VPS35L: variants seen among roughly 807,000 people sequenced by gnomAD.
The protein encoded by VPS35L is VPS35 endosomal protein-sorting factor-like.
VPS35L carries 83 observed loss-of-function variants against 133.0 expected under a neutral mutation model. The ratio of observed to expected loss-of-function variants is 0.62; its 90% CI spans 0.52 to 0.75. The LOEUF is 0.75. VPS35L is among the 30% of genes least tolerant of loss of function. The pLI, the probability that VPS35L is intolerant of heterozygous loss-of-function variation, is 0.00. For missense variants in VPS35L, 1,083 were observed against 1,206.8 expected (o/e 0.90, Z 1.52); for synonymous variants, 423 against 449.9 (o/e 0.94, Z 0.76).
intron 26 of VPS35L, among the ~76,000 whole-genome samples, chr16:19,653,919 A>G (rs1031862227): frequency 1.3e-5 from 2 of 152,182 alleles, no homozygotes; most frequent in Non-Finnish European, 2.9e-5. Flanking sequence ...GGGGGACTTC[A>G]GTAGCTTCTG....
intron 19 of VPS35L, among the ~76,000 whole-genome samples, chr16:19,636,911 T>C (rs1476684825): frequency 6.6e-6 from 1 of 152,066 alleles, no homozygotes; most frequent in Non-Finnish European, 1.5e-5. Context: ...CCACCATCCT[T>C]GGGTAATACC....
At chr16:19,564,171 T>G (rs1352400025) in intron 1 of VPS35L, among the ~76,000 whole-genome samples, 1 of 151,754 alleles carries the variant, frequency 6.6e-6, no homozygotes, top group Non-Finnish European at 1.5e-5. Flanking sequence ...CTCCGCCTCC[T>G]GGTTGAAGCG....
intron 10 of VPS35L, 115 bp downstream of exon 10, chr16:19,608,389 C>T (rs777381370): frequency 6.2e-5 from 50 of 807,836 alleles, no homozygotes; most frequent in Non-Finnish European, 8.6e-5. Context: ...AGTTTGGTCC[C>T]GTTACGGTTG....
intron 8 of VPS35L, among the ~76,000 whole-genome samples, chr16:19,596,892 G>A (rs754986275): frequency 1.3e-5 from 2 of 151,942 alleles, no homozygotes; most frequent in Non-Finnish European, 2.9e-5. Context: ...GGTGGTACGC[G>A]CCTGTAATCC....
chr16:19,622,580 G>A (rs1260825918), intron 14 of VPS35L, among the ~76,000 whole-genome samples: 2 of 152,120 alleles, frequency 1.3e-5, no homozygotes, highest in African/African-American at 4.8e-5. Flanking sequence ...AAAAATCCGT[G>A]TCTAAGTGGA....
chr16:19,609,300 T>C (rs1027050228), intron 11 of VPS35L, among the ~76,000 whole-genome samples: 24 of 152,222 alleles, frequency 1.6e-4, no homozygotes, highest in African/African-American at 5.8e-4. Context: ...TTGGCTGTAC[T>C]GGTACTAGCT....
intron 6 of VPS35L, among the ~76,000 whole-genome samples, chr16:19,580,796 G>A (rs1206750640): frequency 6.6e-6 from 1 of 152,048 alleles, no homozygotes; most frequent in Non-Finnish European, 1.5e-5. Context: ...CCCCATCACA[G>A]TTTACAGTCC....
At chr16:19,590,016 G>A (rs994771815) in intron 7 of VPS35L, among the ~76,000 whole-genome samples, 1 of 152,030 alleles carries the variant, frequency 6.6e-6, no homozygotes, top group Admixed American at 6.6e-5. Context: ...TGTTTAAGTT[G>A]GAACTCTCAC....
Position 19,633,429 on chromosome 16 carries a change from C to G in VPS35L, c.1635+257C>G, listed in dbSNP as rs964399223. On this transcript the variant is annotated intron_variant, in intron 19 of 30. Coordinates refer to ENST00000417362, the MANE Select transcript of VPS35L (RefSeq NM_020314.7). The surrounding 1 kb of genome is among the most constrained non-coding windows in gnomAD (Gnocchi z 4.1). ...ATGAAGTGAAGCCCTCACACAGTGG[C>G]CTGGCACGTGGTAAATGCTCAATAA... 1.3e-5 allele frequency among the ~76,000 whole-genome samples: 2 copies of G among 152,178 alleles called. No homozygotes were observed. The highest frequency in any genetic ancestry group is 4.8e-5 in the African/African-American group (2 of 41,448).
chr16:19,699,473 AAGGC>A lies in VPS35L; in HGVS notation c.2647-26_2647-23del. ...CGGGGCACGGCCTGAGCCCCAGTGC[AAGGC>A]AGTAACCTCCCTTTTCTGTTTCAGG... On this transcript the variant is annotated intron_variant, in intron 29 of 30. Transcript: ENST00000417362. This position sits in a 1 kb window ranked among gnomAD's most constrained non-coding sequence, Gnocchi z 4.2. 7.4e-6 allele frequency: 12 copies of A among 1,613,334 alleles called. No individual in the cohort carries two copies. Among genetic ancestry groups the A allele is most frequent in the Non-Finnish European group, 9.3e-6 (11 of 1,179,496 alleles).
At chr16:19,599,240 A>G (rs1972307512) in intron 8 of VPS35L, among the ~76,000 whole-genome samples, 1 of 152,232 alleles carries the variant, frequency 6.6e-6, no homozygotes, top group Non-Finnish European at 1.5e-5. Flanking sequence ...AACACCCACA[A>G]AGTCCCAGCT....
chr16:19,649,266 C>T (rs1269571051), intron 24 of VPS35L, among the ~76,000 whole-genome samples: 3 of 152,186 alleles, frequency 2.0e-5, no homozygotes, highest in Non-Finnish European at 4.4e-5. Context: ...GCTAGGATTA[C>T]AGGCATAAAC....
rs539106287 is a variant in VPS35L, at chr16:19,669,820, G to A, written c.2361+521G>A. On this transcript the variant is annotated intron_variant, in intron 27 of 30. Coordinates refer to ENST00000417362, the MANE Select transcript of VPS35L (RefSeq NM_020314.7). ...TGAGTAGCTAGGATTACAGGCGCCC[G>A]CCACCACACCTGGCTAATTTTTGTA... is the stretch of plus-strand genomic sequence containing the variant. 4.6e-5 allele frequency among the ~76,000 whole-genome samples: 7 copies of A among 150,974 alleles called. No homozygotes were observed. The South Asian group carries it at 1.5e-3, about 32-fold the overall frequency.
At chr16:19,557,602 C>T (rs771871145) in intron 1 of VPS35L, among the ~76,000 whole-genome samples, 1 of 151,964 alleles carries the variant, frequency 6.6e-6, no homozygotes, top group Non-Finnish European at 1.5e-5. Context: ...AGGCTGGTCT[C>T]GAACTCCTGA....
At chr16:19,645,021 G>C in intron 23 of VPS35L, 72 bp downstream of exon 23, 1 of 1,076,768 alleles carries the variant, frequency 9.3e-7, no homozygotes, top group Non-Finnish European at 1.4e-6. Flanking sequence ...GTTGGCGAAA[G>C]CAGTTAACAT....
chr16:19,615,250 A>G (rs1363376671), intron 12 of VPS35L, among the ~76,000 whole-genome samples: 2 of 152,206 alleles, frequency 1.3e-5, no homozygotes, highest in Non-Finnish European at 2.9e-5. Flanking sequence ...TCAGAAATAC[A>G]TTCAATACCT....
chr16:19,583,073 C>T (rs910177800), intron 7 of VPS35L, among the ~76,000 whole-genome samples: 1 of 152,174 alleles, frequency 6.6e-6, no homozygotes, highest in African/African-American at 2.4e-5. Flanking sequence ...TGGGGGGGTA[C>T]CCAGTGGCTG....
intron 7 of VPS35L, chr16:19,587,384 C>G: frequency 2.2e-6 from 1 of 449,188 alleles, no homozygotes; most frequent in Non-Finnish European, 4.5e-6. Flanking sequence ...AATCCCAGCA[C>G]TTTGGGAGGC....
In VPS35L at chr16:19,568,834, T is replaced by G. The variant is rs542850735; in HGVS notation, c.118-590T>G. On this transcript the variant is annotated intron_variant, in intron 2 of 30. Coordinates refer to ENST00000417362, the MANE Select transcript of VPS35L (RefSeq NM_020314.7). ...ATTATTTTCATATCTTTTGTAGAGA[T>G]AGGACTTCACCATGTTGCCCAGGCT... Among the ~76,000 whole-genome samples, 364 of 152,254 alleles carry G rather than the reference T, an allele frequency of 2.4e-3. 1 individual carries two copies. The highest frequency in any genetic ancestry group is 8.3e-3 in the African/African-American group (344 of 41,556).
Sources: allele counts gnomAD v4.1 joint callset (sites outside exome capture counted in the v4.1 genomes callset), GRCh38; gene constraint gnomAD v4.1.1; non-coding constraint Gnocchi (gnomAD v3.1); transcripts MANE v1.5; gene names NCBI Gene and HGNC (gene_info 2026-07-23, HGNC 2026-07-21).